The following PIK3CB variants were observed in gnomAD, a reference collection of about 807,000 sequenced individuals.
The protein encoded by PIK3CB is phosphatidylinositol-4,5-bisphosphate 3-kinase catalytic subunit beta, also known as phosphatidylinositol 4,5-bisphosphate 3-kinase catalytic subunit beta isoform.
A neutral mutation model predicts 136.8 loss-of-function variants in PIK3CB; 39 were observed. The ratio of observed to expected loss-of-function variants is 0.29; its 90% confidence interval spans 0.22 to 0.37. PIK3CB has a LOEUF of 0.37. Ranked by LOEUF, PIK3CB falls within the 10% of genes least tolerant of loss-of-function variation. The pLI, the probability that PIK3CB is intolerant of heterozygous loss-of-function variation, is 1.00. For missense variants in PIK3CB, 868 were observed against 1,275.4 expected (o/e 0.68, Z 4.87); for synonymous variants, 428 against 436.6 (o/e 0.98, Z 0.25).
chr3:138,790,365 C>A (rs953351310), intron 2 of PIK3CB, among the ~76,000 whole-genome samples: 1 of 151,222 alleles, frequency 6.6e-6, no homozygotes, highest in Non-Finnish European at 1.5e-5. Flanking sequence ...ATAATCCTAG[C>A]ATTTTGTGAG....
Position 138,709,828 on chromosome 3 carries a change from C to G in PIK3CB, c.1399+2380G>C, listed in dbSNP as rs2044458180. 2.0e-5 allele frequency among the ~76,000 whole-genome samples: 3 copies of G among 152,006 alleles called. 1 individual carries two copies. In the South Asian group the frequency reaches 6.2e-4, roughly 32 times the overall value. ...CTAAATTAAGATTCTCAAGAAAGTA[C>G]AGTATTTTGCTGCTATATTTTATTG... is the stretch of plus-strand genomic sequence containing the variant. On this transcript the variant is annotated intron_variant, in intron 10 of 23. Transcript: ENST00000674063.
intron 1 of PIK3CB, among the ~76,000 whole-genome samples, chr3:138,822,898 CATGAAATATATAT>C (rs1933624210): frequency 2.1e-5 from 3 of 143,078 alleles, no homozygotes; most frequent in Non-Finnish European, 4.5e-5. Context: ...AATATTTATA[CATGAAATATATAT>C]ATGAAATATA....
chr3:138,701,075 C>T (rs747061788), intron 12 of PIK3CB, among the ~76,000 whole-genome samples: 15 of 152,044 alleles, frequency 9.9e-5, no homozygotes, highest in Admixed American at 3.3e-4. Flanking sequence ...GAAAACTACA[C>T]CTTTACTTCT....
intron 14 of PIK3CB, 128 bp from the exon 15 acceptor site, chr3:138,691,271 C>T: frequency 9.2e-6 from 7 of 757,724 alleles, no homozygotes; most frequent in Non-Finnish European, 1.5e-5. Flanking sequence ...TTGTTACATG[C>T]TTTCCTTCAC....
At chr3:138,684,970 T>C (rs2043853620) in intron 16 of PIK3CB, 167 bp from the exon 17 acceptor site, 1 of 520,502 alleles carries the variant, frequency 1.9e-6, no homozygotes, top group African/African-American at 2.0e-5. Context: ...GCATTTTACA[T>C]ACAATAAACT....
intron 4 of PIK3CB, among the ~76,000 whole-genome samples, chr3:138,752,152 T>C (rs1242370792): frequency 6.6e-6 from 1 of 152,022 alleles, no homozygotes; most frequent in Non-Finnish European, 1.5e-5. Context: ...TGGGGTGGCA[T>C]ACACCTTACT....
At chr3:138,712,124 GA>G in intron 10 of PIK3CB, 83 bp downstream of exon 10, 1 of 564,094 alleles carries the variant, frequency 1.8e-6, no homozygotes, top group Non-Finnish European at 3.1e-6. Flanking sequence ...TAAATTGAAA[GA>G]ACGGTGATTC....
At chr3:138,715,576 G>A (rs2044589823) in intron 8 of PIK3CB, among the ~76,000 whole-genome samples, 1 of 152,036 alleles carries the variant, frequency 6.6e-6, no homozygotes, top group Non-Finnish European at 1.5e-5. Flanking sequence ...AAGCTTATCA[G>A]CAAAAGCTTT....
chr3:138,710,598 C>T (rs898838940), intron 10 of PIK3CB, among the ~76,000 whole-genome samples: 1 of 152,170 alleles, frequency 6.6e-6, no homozygotes, highest in Non-Finnish European at 1.5e-5. Context: ...TTTGAATAGT[C>T]TTTCATTCAA....
chr3:138,704,506 AT>A lies in PIK3CB; in HGVS notation c.1531-14del. 6.3e-7 allele frequency: 1 copy of A among 1,576,286 alleles called. No homozygotes were observed. Among genetic ancestry groups the A allele is most frequent in the Non-Finnish European group, 8.7e-7 (1 of 1,146,202 alleles). On this transcript the variant is annotated splice_polypyrimidine_tract_variant and intron_variant, in intron 11 of 23. Transcript: ENST00000674063. Reference sequence around the variant, plus strand: ...CCTTTTCAATAATCTGTTTAAAAAAATTAAAGAAAATGAATTTTGGCTCTCA... The same window carrying A: ...CCTTTTCAATAATCTGTTTAAAAAAATAAAGAAAATGAATTTTGGCTCTCA...
chr3:138,770,564 G>T (rs1385347909), intron 2 of PIK3CB: 1 of 151,656 alleles, frequency 6.6e-6, no homozygotes, highest in Non-Finnish European at 1.5e-5. Context: ...CAAAAAATTA[G>T]CCAGGCATGG....
At position 138,696,101 on chromosome 3, in the gene PIK3CB, A is replaced by AT. The variant is rs571230133; in HGVS notation, c.1771-1195dup. On this transcript the variant is annotated intron_variant, in intron 13 of 23. Coordinates refer to ENST00000674063, the MANE Select transcript of PIK3CB (RefSeq NM_006219.3). Reference sequence around the variant, plus strand: ...TTAACTTATATATGTAATTTGACACATTAGAATTCACCTACGTGAATAAAT... The same window carrying AT: ...TTAACTTATATATGTAATTTGACACATTTAGAATTCACCTACGTGAATAAAT... Among the ~76,000 whole-genome samples the AT allele has an allele frequency of 5.5e-3, 833 of 151,942 alleles. 3 individuals are homozygous for AT. The highest frequency in any genetic ancestry group is 8.3e-3 in the Non-Finnish European group (564 of 67,956).
At chr3:138,705,504 A>T (rs1193995045) in intron 11 of PIK3CB, among the ~76,000 whole-genome samples, 1 of 152,156 alleles carries the variant, frequency 6.6e-6, no homozygotes, top group Non-Finnish European at 1.5e-5. Flanking sequence ...ACAAAATTTA[A>T]TTTGGTTGTA....
At chr3:138,740,520 T>C (rs1200532030) in intron 5 of PIK3CB, among the ~76,000 whole-genome samples, 4 of 152,174 alleles carry the variant, frequency 2.6e-5, no homozygotes, top group Non-Finnish European at 5.9e-5. Flanking sequence ...CTAGGAATCA[T>C]TTTGAGAAGT....
chr3:138,717,653 A>G (rs1247220579), intron 8 of PIK3CB, among the ~76,000 whole-genome samples: 1 of 152,148 alleles, frequency 6.6e-6, no homozygotes, highest in Non-Finnish European at 1.5e-5. Context: ...TAAGCCTAGT[A>G]CCCAACAGTT....
intron 2 of PIK3CB, among the ~76,000 whole-genome samples, chr3:138,791,128 A>G (rs889025937): frequency 6.6e-6 from 1 of 151,606 alleles, no homozygotes; most frequent in Admixed American, 6.6e-5. Context: ...ACTTTCAGAT[A>G]CTTCAAACAT....
chr3:138,803,016 T>C (rs1056773101), intron 1 of PIK3CB, among the ~76,000 whole-genome samples: 3 of 152,234 alleles, frequency 2.0e-5, no homozygotes, highest in African/African-American at 4.8e-5. Context: ...TTGACAGCAA[T>C]GCAAGAAGTA....
chr3:138,764,386 G>C (rs531359611), intron 2 of PIK3CB, among the ~76,000 whole-genome samples: 1 of 151,746 alleles, frequency 6.6e-6, no homozygotes, highest in Non-Finnish European at 1.5e-5. Context: ...AGGAGGCTGA[G>C]GCTGCAGTGT....
intron 19 of PIK3CB, among the ~76,000 whole-genome samples, chr3:138,677,225 A>G (rs2043666352): frequency 6.6e-6 from 1 of 151,888 alleles, no homozygotes; most frequent in Non-Finnish European, 1.5e-5. Context: ...ATGCCTCACT[A>G]ATTTTGTATT....
Sources: gnomAD v4.1 joint callset for allele counts (sites outside exome capture counted in the v4.1 genomes callset) on GRCh38, gnomAD v4.1.1 for gene constraint, MANE v1.5 for transcripts, NCBI Gene and HGNC (gene_info 2026-07-23, HGNC 2026-07-21) for gene names.